Variants in CNOT6L observed in about 807,000 individuals in gnomAD.
CNOT6L encodes the protein CCR4-NOT transcription complex subunit 6-like.
In CNOT6L, 7 loss-of-function variants were observed where a neutral mutation model predicts 64.0. The observed-to-expected ratio is 0.11, with a 90% confidence interval of 0.06 to 0.21. The LOEUF (loss-of-function observed/expected upper bound fraction) is 0.21, where lower values mean the gene tolerates loss of function less well. Among genes scored for constraint, CNOT6L ranks in the 10% least tolerant of loss-of-function variants. The probability of loss-of-function intolerance (pLI) is 1.00; values close to 1 mark genes in which losing one functional copy is unlikely to be tolerated. For synonymous variants in CNOT6L, 193 were observed against 243.4 expected (o/e 0.79, Z 1.93); for missense variants, 245 against 669.0 (o/e 0.37, Z 6.99).
rs1720899915 is a variant in CNOT6L, at chr4:77,717,748, G to A, written c.*2683C>T. 1 of 152,478 alleles carries A rather than the reference G, an allele frequency of 6.6e-6. No individual in the cohort carries two copies. Among genetic ancestry groups the A allele is most frequent in the African/African-American group, 2.4e-5 (1 of 41,418 alleles). 9.4% of individuals were successfully genotyped at this position (152,478 alleles called of 1,614,324 possible). ...ACAGATACCACTCCTTTTACAAAGG[G>A]AACAAAGGGTGAAGGGTATGTGAAA... On this transcript the variant is annotated 3_prime_UTR_variant, in exon 12 of 12. Transcript: ENST00000504123.
rs182501508 is a variant in CNOT6L, at chr4:77,815,360, T to C, written c.5+3944A>G. ...CAACTGTAATGTTCTCTGAAAAATT[T>C]ATATCTTTAAATAGTTACAGAAACT... On this transcript the variant is annotated intron_variant, in intron 1 of 11. Transcript: ENST00000504123. Among the ~76,000 whole-genome samples the C allele has an allele frequency of 5.0e-3, 755 of 152,260 alleles. 1 individual carries two copies. The highest frequency in any genetic ancestry group is 6.5e-3 in the Non-Finnish European group (440 of 68,006).
chr4:77,815,076 G>C (rs890529380), intron 1 of CNOT6L, among the ~76,000 whole-genome samples: 1 of 152,076 alleles, frequency 6.6e-6, no homozygotes, highest in Non-Finnish European at 1.5e-5. Context: ...AGAGAATATG[G>C]TAAGGTCCAC....
chr4:77,814,545 C>A (rs1458180833), intron 1 of CNOT6L, among the ~76,000 whole-genome samples: 2 of 152,156 alleles, frequency 1.3e-5, no homozygotes, highest in East Asian at 3.8e-4. Context: ...CCCTTACTCA[C>A]AAACTATAAG....
chr4:77,759,374 G>A (rs756353714), intron 4 of CNOT6L, among the ~76,000 whole-genome samples: 22 of 151,858 alleles, frequency 1.4e-4, no homozygotes, highest in Non-Finnish European at 2.9e-4. Flanking sequence ...AACCATCCTG[G>A]CTAACACAGT....
chr4:77,735,446 C>A (rs1473832453), intron 8 of CNOT6L, among the ~76,000 whole-genome samples: 1 of 152,140 alleles, frequency 6.6e-6, no homozygotes, highest in Non-Finnish European at 1.5e-5. Context: ...TCCCCCAAAT[C>A]CTAGAATTTT....
chr4:77,737,665 G>A (rs1052793923), intron 8 of CNOT6L, among the ~76,000 whole-genome samples: 12 of 151,828 alleles, frequency 7.9e-5, no homozygotes, highest in Admixed American at 1.3e-4. Context: ...TGATCTACCC[G>A]CCTCAGACTC....
intron 1 of CNOT6L, among the ~76,000 whole-genome samples, chr4:77,800,123 G>A (rs1038220213): frequency 6.6e-6 from 1 of 151,216 alleles, no homozygotes; most frequent in Admixed American, 6.6e-5. Context: ...GAACTTGATA[G>A]TATCAAAAAC....
At chr4:77,739,474 TCA>T (rs1007022309) in intron 8 of CNOT6L, among the ~76,000 whole-genome samples, 5 of 152,228 alleles carry the variant, frequency 3.3e-5, no homozygotes, top group African/African-American at 9.6e-5. Context: ...GCTTCAAAAC[TCA>T]CAGTCTTTTT....
At chr4:77,784,070 C>A (rs764985018) in intron 1 of CNOT6L, among the ~76,000 whole-genome samples, 11 of 151,936 alleles carry the variant, frequency 7.2e-5, no homozygotes, top group Non-Finnish European at 1.5e-4. Context: ...TACGGCAATC[C>A]AGAGATAACT....
In CNOT6L at chr4:77,720,481, G is replaced by A. The variant is rs1209280071; in HGVS notation, c.1618C>T (p.Pro540Ser). ...CCATTGACAAGAGGCAGGAGTGGAGGGTGGAGTTCAAGTTGTGTTAACAGT... is the reference window on the plus strand; with the variant it reads ...CCATTGACAAGAGGCAGGAGTGGAGAGTGGAGTTCAAGTTGTGTTAACAGT... ...FSLLTQLELHPPLLPLVNGVH... is the reference protein window; with the variant it reads ...FSLLTQLELHSPLLPLVNGVH... Residue 540 changes from proline (P) to serine (S), a missense_variant, in exon 12 of 12, where the codon CCT becomes TCT. By Grantham distance (74) the Pro-to-Ser change is moderately conservative. Coordinates refer to ENST00000504123, the MANE Select transcript of CNOT6L (RefSeq NM_144571.3). 8 of 1,613,336 alleles carry A rather than the reference G, an allele frequency of 5.0e-6. No individual in the cohort carries two copies. The highest frequency in any genetic ancestry group is 1.3e-5 in the African/African-American group (1 of 74,856).
At chr4:77,769,377 C>G (rs1203695756) in intron 4 of CNOT6L, among the ~76,000 whole-genome samples, 1 of 152,048 alleles carries the variant, frequency 6.6e-6, no homozygotes, top group East Asian at 1.9e-4. Context: ...ACCAACAGGG[C>G]TATTTTGTCA....
intron 8 of CNOT6L, among the ~76,000 whole-genome samples, chr4:77,741,484 T>G (rs1187245556): frequency 6.6e-6 from 1 of 152,200 alleles, no homozygotes; most frequent in African/African-American, 2.4e-5. Context: ...CATTTTCCAT[T>G]GCCCTGTCTC....
chr4:77,819,938 G>A (rs1734101997), upstream of CNOT6L, among the ~76,000 whole-genome samples: 1 of 151,816 alleles, frequency 6.6e-6, no homozygotes, highest in Admixed American at 6.6e-5. Context: ...CGCGGCCGCC[G>A]GCGCGAAGGC....
chr4:77,718,313 C>CTGAT lies in CNOT6L; in HGVS notation c.*2114_*2117dup. 6.6e-6 allele frequency: 1 copy of CTGAT among 152,546 alleles called. No homozygotes were observed. Among genetic ancestry groups the CTGAT allele is most frequent in the Admixed American group, 6.6e-5 (1 of 15,248 alleles). 9.4% of individuals were successfully genotyped at this position (152,546 alleles called of 1,614,324 possible). ...AGATCTAAAATAAAACATACAGTAG[C>CTGAT]TGATTACAAAAAAAGGTAATGTCCA... On this transcript the variant is annotated 3_prime_UTR_variant, in exon 12 of 12. Coordinates refer to ENST00000504123, the MANE Select transcript of CNOT6L (RefSeq NM_144571.3).
At chr4:77,790,440 C>CT (rs1308764208) in intron 1 of CNOT6L, among the ~76,000 whole-genome samples, 3 of 152,116 alleles carry the variant, frequency 2.0e-5, no homozygotes, top group Admixed American at 6.6e-5. Context: ...AGCATGATGG[C>CT]TGGATCATAT....
In CNOT6L at chr4:77,714,602, C is replaced by A. The variant is rs1235589713; in HGVS notation, c.*5829G>T. The A allele has an allele frequency of 6.6e-6, 1 of 152,426 alleles. No individual in the cohort carries two copies. Among genetic ancestry groups the A allele is most frequent in the Non-Finnish European group, 1.5e-5 (1 of 67,998 alleles). 9.4% of individuals were successfully genotyped at this position (152,426 alleles called of 1,614,324 possible). A position where few individuals can be genotyped will look rare whatever the true frequency, so the allele number is the denominator to read the frequency against. ...TTCTCCAAGATGAAAAAGTTGTTTG[C>A]ATTTGGACAACAACTGTACGAATGC... On this transcript the variant is annotated 3_prime_UTR_variant, in exon 12 of 12. Coordinates refer to ENST00000504123, the MANE Select transcript of CNOT6L (RefSeq NM_144571.3).
At chr4:77,792,910 G>A (rs1474094804) in intron 1 of CNOT6L, among the ~76,000 whole-genome samples, 1 of 151,006 alleles carries the variant, frequency 6.6e-6, no homozygotes, top group Non-Finnish European at 1.5e-5. Context: ...GCAATGTTTA[G>A]AGATGGTTTT....
intron 1 of CNOT6L, chr4:77,818,901 C>T (rs1385131139): frequency 3.8e-6 from 2 of 528,790 alleles, no homozygotes; most frequent in East Asian, 8.5e-5. Flanking sequence ...CAGCAGCTCT[C>T]CCAGCCCCGC....
At chr4:77,801,255 G>C (rs953627235) in intron 1 of CNOT6L, among the ~76,000 whole-genome samples, 5 of 152,084 alleles carry the variant, frequency 3.3e-5, no homozygotes, top group African/African-American at 1.2e-4. Context: ...AAAGGTAGCA[G>C]AGTCTTTAAC....
Sources: gnomAD v4.1 joint callset for allele counts (sites outside exome capture counted in the v4.1 genomes callset) on GRCh38, gnomAD v4.1.1 for gene constraint, MANE v1.5 for transcripts, NCBI Gene and HGNC (gene_info 2026-07-23, HGNC 2026-07-21) for gene names.